The following INTS1 variants were observed in gnomAD, a reference collection of about 807,000 sequenced individuals.
The protein encoded by INTS1 is integrator complex subunit 1.
A neutral mutation model predicts 241.6 loss-of-function variants in INTS1; 137 were observed. The observed-to-expected ratio is 0.57, with a 90% CI of 0.49 to 0.65. The LOEUF (loss-of-function observed/expected upper bound fraction) is 0.65, where lower values mean the gene tolerates loss of function less well. Ranked by LOEUF, INTS1 falls within the 30% of genes least tolerant of loss-of-function variation. INTS1 has a pLI of 0.00. For missense variants in INTS1, 3,073 were observed against 3,032.2 expected, an observed-to-expected ratio of 1.01 and a Z score of -0.32; for synonymous variants, 1,692 against 1,337.8, an observed-to-expected ratio of 1.26 and a Z score of -5.78.
chr7:1,487,969 C>A lies in INTS1; in HGVS notation c.2319-12G>T, dbSNP rs192205205. On this transcript the variant is annotated splice_polypyrimidine_tract_variant and intron_variant, in intron 18 of 47. Transcript: ENST00000404767. The stretch of plus-strand genomic sequence containing the variant: ...GGTAGGAGTAGTTGCTAGGGCCAGA[C>A]GGGGGAGCGTGTCACCCTGCCCCCC... 301 of 1,612,312 alleles carry A rather than the reference C, an allele frequency of 1.9e-4. 1 individual carries two copies. In the African/African-American group the frequency reaches 2.3e-3, roughly 13 times the overall value.
At chr7:1,490,750 G>A (rs1280727584) in intron 16 of INTS1, among the ~76,000 whole-genome samples, 1 of 152,232 alleles carries the variant, frequency 6.6e-6, no homozygotes, top group Non-Finnish European at 1.5e-5. Context: ...GGAAATGAAA[G>A]GACCTAGAAC....
intron 2 of INTS1, among the ~76,000 whole-genome samples, chr7:1,503,561 G>A (rs1277458650): frequency 1.3e-5 from 2 of 152,336 alleles, no homozygotes; most frequent in Non-Finnish European, 1.5e-5. Context: ...GCAAAGTCCG[G>A]AGGATCTGAG....
intron 44 of INTS1, 115 bp from the exon 45 acceptor site, chr7:1,471,756 G>A: frequency 2.1e-6 from 2 of 961,650 alleles, no homozygotes; most frequent in East Asian, 2.4e-5. Flanking sequence ...AGAAAGCACT[G>A]GAAAGCATGA....
At chr7:1,503,855 A>AAAGACCCCCAAAGACCCCCC in intron 2 of INTS1, 48 bp downstream of exon 2, 9 of 1,320,626 alleles carry the variant, frequency 6.8e-6, no homozygotes, top group East Asian at 2.8e-5. Context: ...AAAGACCCCC[A>AAAGACCCCCAAAGACCCCCC]AAGACCCCCA....
intron 11 of INTS1, among the ~76,000 whole-genome samples, chr7:1,496,549 TACACAC>T (rs1228354359): frequency 1.3e-5 from 2 of 151,612 alleles, no homozygotes; most frequent in East Asian, 3.9e-4. Flanking sequence ...TGCGCACACA[TACACAC>T]ACACAAGCAG....
Position 1,499,826 on chromosome 7 carries a change from C to T in INTS1, c.684+58G>A, listed in dbSNP as rs1297047302. 21 of 1,568,546 alleles carry T rather than the reference C, an allele frequency of 1.3e-5. No homozygotes were observed. In the East Asian group the frequency reaches 4.1e-4, roughly 31 times the overall value. ...AGAACACACTTCTGCTTTTCTCTCG[C>T]CCCTGCCCCACCCCGTGGCGCTCTG... On this transcript the variant is annotated intron_variant, in intron 5 of 47. Transcript: ENST00000404767.
chr7:1,494,946 C>A, intron 13 of INTS1, 53 bp from the exon 14 acceptor site: 1 of 1,542,544 alleles, frequency 6.5e-7, no homozygotes, highest in Non-Finnish European at 8.7e-7. Context: ...CAGGGACCAG[C>A]CCCGTTAGTT....
intron 31 of INTS1, 63 bp from the exon 32 acceptor site, chr7:1,478,948 G>C: frequency 2.0e-6 from 3 of 1,526,848 alleles, no homozygotes; most frequent in Non-Finnish European, 2.7e-6. Context: ...CGGCACCCGA[G>C]GCCCAGAGCA....
rs71686331 is a variant in INTS1 at position 1,495,116 on chromosome 7, G to GTGGCCGAGCA, written c.1833-224_1833-223insTGCTCGGCCA. ...CCGAACGGGGCTGCCGGGCTGGACA[G>GTGGCCGAGCA]CCCTTTACAAAATCGCTGCAGAGAA... On this transcript the variant is annotated intron_variant, in intron 13 of 47. Coordinates refer to ENST00000404767, the MANE Select transcript of INTS1 (RefSeq NM_001080453.3). Among the ~76,000 whole-genome samples the GTGGCCGAGCA allele has an allele frequency of 2.7e-3, 100 of 36,366 alleles. No individual in the cohort carries two copies. The East Asian group carries it at 0.14, about 52-fold the overall frequency. 23.9% of individuals were successfully genotyped at this position (36,366 alleles called of 152,430 possible).
At position 1,480,978 on chromosome 7, in the gene INTS1, G is replaced by C. The variant is rs1482956602; in HGVS notation, c.3851-45C>G. The C allele has an allele frequency of 5.6e-6, 8 of 1,418,706 alleles. No homozygotes were observed. The African/African-American group carries it at 7.1e-5, about 13-fold the overall frequency. 87.9% of individuals were successfully genotyped at this position (1,418,706 alleles called of 1,614,324 possible). ...CACACCTGGGCGCGGCCAGGGGCCAGGGAGCAGGTCCTTCCCTCTCCACAG... is the reference window on the plus strand; with the variant it reads ...CACACCTGGGCGCGGCCAGGGGCCACGGAGCAGGTCCTTCCCTCTCCACAG... On this transcript the variant is annotated intron_variant, in intron 28 of 47. Transcript: ENST00000404767.
chr7:1,497,400 C>T lies in INTS1; in HGVS notation c.1426-86G>A, dbSNP rs1782916550. On this transcript the variant is annotated intron_variant, in intron 10 of 47. Coordinates refer to ENST00000404767, the MANE Select transcript of INTS1 (RefSeq NM_001080453.3). The surrounding 1 kb of genome is among the most constrained non-coding windows in gnomAD (Gnocchi z 5.3). The stretch of plus-strand genomic sequence containing the variant: ...CTTCCCGCAGCACCAACAGGTATGG[C>T]GCCCGAGGGCGCTGCAGTGGGTCTC... 1.0e-5 allele frequency: 14 copies of T among 1,387,292 alleles called. No homozygotes were observed. The highest frequency in any genetic ancestry group is 4.3e-5 in the South Asian group (3 of 70,550). 85.9% of individuals were successfully genotyped at this position (1,387,292 alleles called of 1,614,324 possible).
chr7:1,475,948 C>G lies in INTS1; in HGVS notation c.5502G>C (p.Lys1834Asn). The change falls in exon 39 of 48, where the codon AAG becomes AAC. Residue 1834 changes from lysine (K) to asparagine (N), a missense_variant and splice_region_variant. Transcript: ENST00000404767. ...GGGAGCGGCAGAGTTGCGCCCTCAC[C>G]TTGCAGACGCTGCTGCTGGCAGCCC... ...SEGAASSSVC[K>N]LDGLIHRFIT... 6.5e-7 allele frequency: 1 copy of G among 1,538,842 alleles called. No homozygotes were observed.
In INTS1 at chr7:1,476,939, CCGGATGGCCT is replaced by C. The variant is rs375476087; in HGVS notation, c.4939-31_4939-22del. 395 of 1,602,226 alleles carry C rather than the reference CCGGATGGCCT, an allele frequency of 2.5e-4. No homozygotes were observed. The African/African-American group carries it at 4.6e-3, about 19-fold the overall frequency. On this transcript the variant is annotated intron_variant, in intron 35 of 47. Transcript: ENST00000404767. ...TTGCCCTGGGGAGGGAGGAAGAAGC[CCGGATGGCCT>C]CACCTGGGCCAATGGCAGGCTCTGC...
At chr7:1,487,641 T>C in intron 19 of INTS1, 119 bp downstream of exon 19, 1 of 1,363,154 alleles carries the variant, frequency 7.3e-7, no homozygotes, top group Non-Finnish European at 1.0e-6. Context: ...TCCACAGGCC[T>C]TTCAGGTTCT....
intron 3 of INTS1, among the ~76,000 whole-genome samples, chr7:1,501,864 C>CCCAGG (rs1307216610): frequency 1.3e-5 from 2 of 152,300 alleles, no homozygotes; most frequent in South Asian, 2.1e-4. Context: ...GCGTGTGCTG[C>CCCAGG]CCAGGCCAGG....
intron 18 of INTS1, among the ~76,000 whole-genome samples, chr7:1,488,657 C>G (rs1239646010): frequency 6.6e-6 from 1 of 152,210 alleles, no homozygotes; most frequent in African/African-American, 2.4e-5. Flanking sequence ...ATACCAGGGC[C>G]ACACACACTC....
chr7:1,493,364 G>T lies in INTS1; in HGVS notation c.2069-258C>A, dbSNP rs924700949. ...AGAGGGTAGGGAGGTGAGGACGGGG[G>T]TGTGGCCGGCAGGGTGGGGACCCGC... On this transcript the variant is annotated intron_variant, in intron 15 of 47. Transcript: ENST00000404767. This position sits in a 1 kb window ranked among gnomAD's most constrained non-coding sequence, Gnocchi z 5.3. 5.9e-5 allele frequency among the ~76,000 whole-genome samples: 9 copies of T among 152,102 alleles called. No individual in the cohort carries two copies. Among genetic ancestry groups the T allele is most frequent in the African/African-American group, 2.2e-4 (9 of 41,394 alleles).
chr7:1,478,326 AG>A lies in INTS1; in HGVS notation c.4630+39del, dbSNP rs1258418702. 3 of 1,604,374 alleles carry A rather than the reference AG, an allele frequency of 1.9e-6. No homozygotes were observed. In the African/African-American group the frequency reaches 4.0e-5, roughly 21 times the overall value. ...AGGAGCCTCAGGTTTGGGTCTTCCCAGGGCCGCCGTGGCCCAAGAGGATGGT... is the reference window on the plus strand; with the variant it reads ...AGGAGCCTCAGGTTTGGGTCTTCCCAGGCCGCCGTGGCCCAAGAGGATGGT... On this transcript the variant is annotated intron_variant, in intron 33 of 47. Transcript: ENST00000404767.
rs770996762 is a variant in INTS1, at chr7:1,486,782, G to A, written c.2827-8C>T. ...CCGCTGCTTCTGTTGCCTCTGCAGGGAGGAAGGGGCTCTCAGGGGTGCAGG... is the reference window on the plus strand; with the variant it reads ...CCGCTGCTTCTGTTGCCTCTGCAGGAAGGAAGGGGCTCTCAGGGGTGCAGG... On this transcript the variant is annotated splice_region_variant and splice_polypyrimidine_tract_variant and intron_variant, in intron 21 of 47. Coordinates refer to ENST00000404767, the MANE Select transcript of INTS1 (RefSeq NM_001080453.3). The A allele has an allele frequency of 6.2e-6, 10 of 1,611,724 alleles. No individual in the cohort carries two copies. The highest frequency in any genetic ancestry group is 1.7e-4 in the Middle Eastern group (1 of 6,038).
Sources: gnomAD v4.1 joint callset for allele counts (sites outside exome capture counted in the v4.1 genomes callset) on GRCh38, gnomAD v4.1.1 for gene constraint, Gnocchi (gnomAD v3.1) non-coding constraint, MANE v1.5 for transcripts, NCBI Gene and HGNC (gene_info 2026-07-23, HGNC 2026-07-21) for gene names.